KIF6: variants seen among roughly 807,000 people sequenced by gnomAD.
KIF6 encodes kinesin family member 6, also known as kinesin-like protein KIF6.
Under a neutral mutation model 112.7 loss-of-function variants are expected in KIF6, and 106 were observed. The observed-to-expected ratio is 0.94, with a 90% CI of 0.80 to 1.11. The LOEUF (loss-of-function observed/expected upper bound fraction) is 1.11, where lower values mean the gene tolerates loss of function less well. KIF6 is among the 50% of genes least tolerant of loss of function. The pLI is 0.00. For synonymous variants in KIF6, 339 were observed against 339.9 expected, an observed-to-expected ratio of 1.00 and a Z score of 0.03; for missense variants, 929 against 964.0, an observed-to-expected ratio of 0.96 and a Z score of 0.48.
At chr6:39,479,706 A>G (rs1774679579) in intron 13 of KIF6, among the ~76,000 whole-genome samples, 1 of 152,110 alleles carries the variant, frequency 6.6e-6, no homozygotes, top group Admixed American at 6.5e-5. Flanking sequence ...CATTTTCACA[A>G]TATTGATTCT....
intron 13 of KIF6, among the ~76,000 whole-genome samples, chr6:39,511,682 G>A (rs1038762715): frequency 3.9e-5 from 6 of 152,100 alleles, no homozygotes; most frequent in African/African-American, 1.4e-4. Context: ...GCAAAGACTT[G>A]GAACCAACCC....
intron 13 of KIF6, among the ~76,000 whole-genome samples, chr6:39,533,186 C>T (rs200223110): frequency 8.5e-5 from 13 of 152,144 alleles, no homozygotes; most frequent in East Asian, 3.9e-4. Flanking sequence ...GTGCACCGTG[C>T]GTGAGCCGAA....
chr6:39,467,398 G>A (rs1562242464), intron 13 of KIF6, among the ~76,000 whole-genome samples: 2 of 152,058 alleles, frequency 1.3e-5, no homozygotes, highest in South Asian at 2.1e-4. Flanking sequence ...CTCAGACACT[G>A]TTGAAAACAA....
At chr6:39,704,455 C>T (rs1286279846) in intron 3 of KIF6, among the ~76,000 whole-genome samples, 1 of 152,036 alleles carries the variant, frequency 6.6e-6, no homozygotes. Flanking sequence ...CCTGTCTCTA[C>T]TAAAAATACA....
intron 5 of KIF6, among the ~76,000 whole-genome samples, chr6:39,626,166 C>T (rs1784083332): frequency 6.6e-6 from 1 of 152,190 alleles, no homozygotes; most frequent in Admixed American, 6.6e-5. Context: ...TCTGCCCCCA[C>T]AGAATCCAGG....
intron 3 of KIF6, among the ~76,000 whole-genome samples, chr6:39,673,169 A>C (rs1786940300): frequency 1.3e-5 from 2 of 152,230 alleles, no homozygotes; most frequent in Non-Finnish European, 2.9e-5. Context: ...TGTAAGTGCC[A>C]GTTCAACAAA....
At chr6:39,456,784 A>G (rs1374729758) in intron 13 of KIF6, among the ~76,000 whole-genome samples, 1 of 117,914 alleles carries the variant, frequency 8.5e-6, no homozygotes. Context: ...AGGCCATTAC[A>G]TAATGGTAAA....
At chr6:39,450,442 C>T (rs534717694) in intron 13 of KIF6, among the ~76,000 whole-genome samples, 277 of 152,326 alleles carry the variant, frequency 1.8e-3, no homozygotes, top group Non-Finnish European at 3.0e-3. Context: ...AAAGGCATTA[C>T]TTTACTTTTT....
chr6:39,534,881 A>C (rs1778319542), intron 13 of KIF6, among the ~76,000 whole-genome samples: 1 of 152,252 alleles, frequency 6.6e-6, no homozygotes. Flanking sequence ...AAATTCTACA[A>C]GCCAGAAGAG....
chr6:39,528,799 A>G (rs6919556), intron 13 of KIF6, among the ~76,000 whole-genome samples: 68,261 of 152,136 alleles, frequency 0.45, 17,949 homozygotes, highest in African/African-American at 0.73. Context: ...CCATGTTACT[A>G]AAGTGATCTA....
chr6:39,711,211 T>C (rs1789532921), intron 3 of KIF6, among the ~76,000 whole-genome samples: 1 of 121,682 alleles, frequency 8.2e-6, no homozygotes, highest in South Asian at 2.6e-4. Flanking sequence ...AATCCTTACC[T>C]AGACTCATTA....
intron 7 of KIF6, among the ~76,000 whole-genome samples, chr6:39,595,629 AG>A (rs1782208358): frequency 6.6e-6 from 1 of 152,230 alleles, no homozygotes; most frequent in Admixed American, 6.5e-5. Context: ...AATTTGAAAA[AG>A]GAAGAAATTC....
chr6:39,611,843 T>G (rs984463076), intron 6 of KIF6, among the ~76,000 whole-genome samples: 19 of 152,208 alleles, frequency 1.2e-4, no homozygotes, highest in Admixed American at 7.2e-4. Flanking sequence ...TCGATTATTA[T>G]GACAAATAAG....
intron 3 of KIF6, among the ~76,000 whole-genome samples, chr6:39,712,278 A>G (rs1044617532): frequency 6.6e-6 from 1 of 152,170 alleles, no homozygotes; most frequent in Admixed American, 6.5e-5. Context: ...AGAAGGAGAA[A>G]GACAAGACAA....
Position 39,615,440 on chromosome 6 carries a change from C to G in KIF6, c.510-2122G>C, listed in dbSNP as rs1241840800. On this transcript the variant is annotated intron_variant, in intron 5 of 22. Coordinates refer to ENST00000287152, the MANE Select transcript of KIF6 (RefSeq NM_145027.6). ...AGGCACTTGCCTTATTTCATTTAAT[C>G]CAGGTGTTCCCAAAAGGAACTATCT... 3.9e-5 allele frequency among the ~76,000 whole-genome samples: 6 copies of G among 152,244 alleles called. No homozygotes were observed. The East Asian group carries it at 9.6e-4, about 24-fold the overall frequency.
At chr6:39,681,183 G>A (rs1040447396) in intron 3 of KIF6, among the ~76,000 whole-genome samples, 4 of 152,074 alleles carry the variant, frequency 2.6e-5, no homozygotes, top group Admixed American at 6.5e-5. Flanking sequence ...TTGATGATCC[G>A]ATTTGAACAC....
At chr6:39,374,284 CAT>C (rs1444162694) in intron 16 of KIF6, among the ~76,000 whole-genome samples, 4 of 150,944 alleles carry the variant, frequency 2.6e-5, no homozygotes, top group African/African-American at 9.9e-5. Context: ...CAGAAAAAAA[CAT>C]AAGGGGAATA....
At chr6:39,606,143 A>C (rs1236017184) in intron 6 of KIF6, among the ~76,000 whole-genome samples, 2 of 150,702 alleles carry the variant, frequency 1.3e-5, no homozygotes, top group Non-Finnish European at 3.0e-5. Context: ...TCCTTCTCCT[A>C]TATCTTCTCT....
intron 15 of KIF6, 98 bp from the exon 16 acceptor site, chr6:39,385,770 A>G (rs1359984338): frequency 1.3e-6 from 1 of 782,622 alleles, no homozygotes; most frequent in Non-Finnish European, 2.2e-6. Context: ...AAAAAAAAAA[A>G]AGGTAGAGTA....
Sources: allele counts gnomAD v4.1 joint callset (sites outside exome capture counted in the v4.1 genomes callset), GRCh38; gene constraint gnomAD v4.1.1; transcripts MANE v1.5; gene names NCBI Gene and HGNC (gene_info 2026-07-23, HGNC 2026-07-21).